PTPRG: variants seen among roughly 807,000 people sequenced by gnomAD.
PTPRG encodes the protein receptor-type tyrosine-protein phosphatase gamma.
In PTPRG, 102 loss-of-function variants were observed where a neutral mutation model predicts 165.3. The ratio of observed to expected loss-of-function variants is 0.62; its 90% CI spans 0.53 to 0.73. The LOEUF is 0.73. Among genes scored for constraint, PTPRG ranks in the 30% least tolerant of loss-of-function variants. The pLI, the probability that PTPRG is intolerant of heterozygous loss-of-function variation, is 0.00. For missense variants in PTPRG, 1,866 were observed against 1,861.4 expected, an observed-to-expected ratio of 1.00 and a Z score of -0.05; for synonymous variants, 675 against 669.5, an observed-to-expected ratio of 1.01 and a Z score of -0.13.
intron 15 of PTPRG, among the ~76,000 whole-genome samples, chr3:62,247,212 T>A (rs950120889): frequency 3.9e-5 from 6 of 152,154 alleles, no homozygotes; most frequent in African/African-American, 9.7e-5. Context: ...GACTTTTTTT[T>A]AATTTGCCCA....
intron 2 of PTPRG, among the ~76,000 whole-genome samples, chr3:61,808,495 T>G (rs529853932): frequency 6.6e-6 from 1 of 152,234 alleles, no homozygotes; most frequent in South Asian, 2.1e-4. Context: ...GTAAAAGAAG[T>G]TATCAACCTC....
rs2036493847 is a variant in PTPRG, at chr3:61,837,228, A to G, written c.190+88246A>G. ...GGACCTGGTTAATTTTTGTATTTTT[A>G]GTAGAGACAGTGTTTTGCCATGTTG... On this transcript the variant is annotated intron_variant, in intron 2 of 29. Transcript: ENST00000474889. Among the ~76,000 whole-genome samples the G allele has an allele frequency of 3.3e-5, 5 of 152,104 alleles. No homozygotes were observed. In the South Asian group the frequency reaches 1.0e-3, roughly 31 times the overall value.
intron 4 of PTPRG, among the ~76,000 whole-genome samples, chr3:62,067,912 A>G (rs2107557): frequency 0.69 from 105,541 of 151,982 alleles, 38,008 homozygotes; most frequent in Non-Finnish European, 0.79. Context: ...TGGGGTACAG[A>G]ATCACCCCAT....
intron 4 of PTPRG, among the ~76,000 whole-genome samples, chr3:62,040,757 G>T (rs2107801534): frequency 6.6e-6 from 1 of 152,314 alleles, no homozygotes; most frequent in Middle Eastern, 3.4e-3. Context: ...CAGCTTTTAA[G>T]TGGAAAATAG....
intron 2 of PTPRG, among the ~76,000 whole-genome samples, chr3:61,867,772 G>A (rs933208137): frequency 1.3e-5 from 2 of 152,180 alleles, no homozygotes; most frequent in Admixed American, 6.5e-5. Context: ...AGAGATAGAG[G>A]ACATAGGACG....
intron 2 of PTPRG, among the ~76,000 whole-genome samples, chr3:61,876,211 A>G (rs529469885): frequency 6.6e-6 from 1 of 152,214 alleles, no homozygotes; most frequent in Non-Finnish European, 1.5e-5. Context: ...GGGATATTCT[A>G]CAGTAAGTGA....
intron 1 of PTPRG, among the ~76,000 whole-genome samples, chr3:61,648,765 A>G (rs190959401): frequency 2.0e-5 from 3 of 152,342 alleles, no homozygotes; most frequent in Non-Finnish European, 2.9e-5. Flanking sequence ...TGTTGCTTGA[A>G]TGTTTCCCAA....
intron 1 of PTPRG, among the ~76,000 whole-genome samples, chr3:61,725,591 A>G (rs2032224930): frequency 6.6e-6 from 1 of 151,974 alleles, no homozygotes; most frequent in Non-Finnish European, 1.5e-5. Context: ...CCTATACCAC[A>G]TAGTCTTGAT....
At chr3:61,927,917 A>G (rs1324754650) in intron 2 of PTPRG, among the ~76,000 whole-genome samples, 1 of 152,104 alleles carries the variant, frequency 6.6e-6, no homozygotes, top group Non-Finnish European at 1.5e-5. Flanking sequence ...CAGGTGAGGT[A>G]TACGTGCGTT....
At chr3:62,077,288 A>C (rs542533516) in intron 4 of PTPRG, among the ~76,000 whole-genome samples, 226 of 151,754 alleles carry the variant, frequency 1.5e-3, no homozygotes, top group Middle Eastern at 0.01. Flanking sequence ...AAAAAAAAAA[A>C]AAACAAACCA....
intron 4 of PTPRG, among the ~76,000 whole-genome samples, chr3:62,023,372 T>G (rs1437698661): frequency 1.3e-5 from 2 of 152,206 alleles, no homozygotes; most frequent in Non-Finnish European, 2.9e-5. Context: ...AGTGTTACTA[T>G]GAGTGTATAT....
At chr3:62,218,569 G>A (rs772991345) in intron 12 of PTPRG, among the ~76,000 whole-genome samples, 2 of 152,168 alleles carry the variant, frequency 1.3e-5, no homozygotes, top group Non-Finnish European at 2.9e-5. Context: ...AGGCTGGAAT[G>A]TCTATGTCTT....
chr3:62,087,061 T>C (rs17065960), intron 5 of PTPRG, among the ~76,000 whole-genome samples: 5,631 of 152,306 alleles, frequency 0.037, 113 homozygotes, highest in East Asian at 0.08. Flanking sequence ...TTGTACATCA[T>C]TGAATGATAG....
intron 2 of PTPRG, among the ~76,000 whole-genome samples, chr3:61,952,501 A>T (rs1020769463): frequency 6.6e-6 from 1 of 152,150 alleles, no homozygotes; most frequent in Non-Finnish European, 1.5e-5. Flanking sequence ...CAACTTCATA[A>T]TGGCTAAAAT....
intron 2 of PTPRG, among the ~76,000 whole-genome samples, chr3:61,965,454 C>T (rs978455123): frequency 1.3e-5 from 2 of 148,422 alleles, no homozygotes; most frequent in Non-Finnish European, 3.0e-5. Flanking sequence ...CGCCATAGCA[C>T]TCCAGCCTGG....
chr3:61,808,927 T>A (rs890200732), intron 2 of PTPRG, among the ~76,000 whole-genome samples: 1 of 150,824 alleles, frequency 6.6e-6, no homozygotes, highest in Non-Finnish European at 1.5e-5. Flanking sequence ...ACCATTAAAA[T>A]TTTTAAAAAA....
intron 2 of PTPRG, among the ~76,000 whole-genome samples, chr3:61,863,829 A>G (rs1186553434): frequency 6.6e-6 from 1 of 152,146 alleles, no homozygotes. Context: ...ACCTTTTCCC[A>G]CTTTCCATAG....
chr3:62,273,935 A>G lies in PTPRG; in HGVS notation c.3465+91A>G, dbSNP rs1702153727. The G allele has an allele frequency of 2.4e-6, 3 of 1,234,700 alleles. No homozygotes were observed. The Admixed American group carries it at 6.0e-5, about 25-fold the overall frequency. The allele number at this position is 1,234,700 out of a possible 1,614,324, so 76.5% of individuals were successfully genotyped here. The stretch of plus-strand genomic sequence containing the variant: ...GGTTATGTCTTCTTTGCATTAATGT[A>G]TACACCGAAATGGATTACTATTTGT... On this transcript the variant is annotated intron_variant, in intron 23 of 29. Coordinates refer to ENST00000474889, the MANE Select transcript of PTPRG (RefSeq NM_002841.4). The surrounding 1 kb of genome is among the most constrained non-coding windows in gnomAD (Gnocchi z 4.1).
intron 1 of PTPRG, among the ~76,000 whole-genome samples, chr3:61,594,177 C>T (rs564082191): frequency 5.7e-4 from 87 of 152,070 alleles, no homozygotes; most frequent in Non-Finnish European, 1.0e-3. Flanking sequence ...GGAAGCCTGT[C>T]CTCTGCCCAG....
Sources: allele counts gnomAD v4.1 joint callset (sites outside exome capture counted in the v4.1 genomes callset), GRCh38; gene constraint gnomAD v4.1.1; non-coding constraint Gnocchi (gnomAD v3.1); transcripts MANE v1.5; gene names NCBI Gene and HGNC (gene_info 2026-07-23, HGNC 2026-07-21).